TACC1: variants seen among roughly 807,000 people sequenced by gnomAD.
TACC1 encodes transforming acidic coiled-coil containing protein 1.
In TACC1, 48 loss-of-function variants were observed where a neutral mutation model predicts 84.4. That is an observed-to-expected ratio of 0.57 (90% confidence interval 0.45 to 0.72). The LOEUF (loss-of-function observed/expected upper bound fraction) is 0.72. Among genes scored for constraint, TACC1 ranks in the 30% least tolerant of loss-of-function variants. TACC1 has a pLI of 0.00. For synonymous variants in TACC1, 372 were observed against 376.3 expected, an observed-to-expected ratio of 0.99 and a Z score of 0.13; for missense variants, 920 against 973.0, an observed-to-expected ratio of 0.95 and a Z score of 0.72.
chr8:38,747,487 G>A (rs1037232899), intron 3 of TACC1, among the ~76,000 whole-genome samples: 1 of 152,156 alleles, frequency 6.6e-6, no homozygotes, highest in Non-Finnish European at 1.5e-5. Flanking sequence ...GATAAACCGT[G>A]ATATATCCAG....
At chr8:38,732,517 GATTACATGT>G (rs1272575529) in intron 1 of TACC1, among the ~76,000 whole-genome samples, 1 of 152,124 alleles carries the variant, frequency 6.6e-6, no homozygotes, top group Admixed American at 6.5e-5. Context: ...CCTGAGTCTG[GATTACATGT>G]ATAATGATCT....
intron 1 of TACC1, among the ~76,000 whole-genome samples, chr8:38,737,410 C>T (rs1208003148): frequency 2.6e-5 from 4 of 152,214 alleles, no homozygotes; most frequent in East Asian, 3.8e-4. Flanking sequence ...TGCCAGTTCT[C>T]GATGAGATCA....
chr8:38,774,903 C>T (rs966511711), intron 3 of TACC1, among the ~76,000 whole-genome samples: 9 of 149,990 alleles, frequency 6.0e-5, no homozygotes, highest in East Asian at 2.0e-4. Flanking sequence ...CCCAGCTACT[C>T]GGGAGGCTGA....
intron 3 of TACC1, among the ~76,000 whole-genome samples, chr8:38,750,140 A>G (rs1450107972): frequency 6.6e-6 from 1 of 152,176 alleles, no homozygotes; most frequent in Non-Finnish European, 1.5e-5. Context: ...ACCTGTGAAT[A>G]GCCACTGCAT....
At chr8:38,827,087 CT>C in intron 4 of TACC1, 80 bp from the exon 5 acceptor site, 1 of 1,256,902 alleles carries the variant, frequency 8.0e-7, no homozygotes, top group Non-Finnish European at 1.1e-6. Context: ...GTTGTGTCTA[CT>C]TTGTTCCATT....
At chr8:38,757,692 C>T (rs1293528090) in intron 3 of TACC1, among the ~76,000 whole-genome samples, 1 of 151,936 alleles carries the variant, frequency 6.6e-6, no homozygotes, top group Non-Finnish European at 1.5e-5. Context: ...AAGGGGACCC[C>T]GGCCTCGTCC....
chr8:38,846,666 TG>T, intron 11 of TACC1, 32 bp from the exon 12 acceptor site: 1 of 1,612,938 alleles, frequency 6.2e-7, no homozygotes, highest in Non-Finnish European at 8.5e-7. Flanking sequence ...ATGTGCTTTT[TG>T]TCTCTTTATT....
chr8:38,821,785 G>A (rs1665498280), intron 3 of TACC1, among the ~76,000 whole-genome samples: 1 of 152,224 alleles, frequency 6.6e-6, no homozygotes, highest in Middle Eastern at 3.4e-3. Flanking sequence ...TAAGCCACAG[G>A]GAAATGCATC....
chr8:38,815,617 C>T (rs1825257040), intron 2 of TACC1, among the ~76,000 whole-genome samples: 1 of 152,084 alleles, frequency 6.6e-6, no homozygotes, highest in South Asian at 2.1e-4. Context: ...TGGGGTTTCA[C>T]CATGTTGGCC....
At chr8:38,775,803 A>G (rs1255491076) in intron 3 of TACC1, among the ~76,000 whole-genome samples, 2 of 152,244 alleles carry the variant, frequency 1.3e-5, no homozygotes, top group Non-Finnish European at 2.9e-5. Flanking sequence ...GCCAAAGGAA[A>G]CAGAAAACAC....
At chr8:38,773,622 C>CTATCTAGCTAGCTATG (rs1365056846) in intron 3 of TACC1, among the ~76,000 whole-genome samples, 3 of 131,198 alleles carry the variant, frequency 2.3e-5, no homozygotes, top group Non-Finnish European at 5.1e-5. Context: ...ATCTAGCTAT[C>CTATCTAGCTAGCTATG]TATCTGTTGT....
chr8:38,753,929 C>CTTTCTTTCT (rs370460992), intron 3 of TACC1, among the ~76,000 whole-genome samples: 15 of 120,760 alleles, frequency 1.2e-4, no homozygotes, highest in South Asian at 2.7e-4. Flanking sequence ...TTCTTTCTTT[C>CTTTCTTTCT]TTCTTTCTCT....
intron 2 of TACC1, among the ~76,000 whole-genome samples, chr8:38,804,214 AGTT>A: frequency 6.6e-6 from 1 of 152,208 alleles, no homozygotes; most frequent in South Asian, 2.1e-4. Flanking sequence ...ATAGGAAAAC[AGTT>A]GTTCTAGAAC....
At chr8:38,831,388 AAAAG>A (rs1829206023) in intron 6 of TACC1, among the ~76,000 whole-genome samples, 1 of 152,234 alleles carries the variant, frequency 6.6e-6, no homozygotes, top group African/African-American at 2.4e-5. Context: ...GCTACTCAGA[AAAAG>A]AAGAAGCATA....
intron 9 of TACC1, among the ~76,000 whole-genome samples, chr8:38,841,066 T>TA (rs1034599801): frequency 5.3e-5 from 8 of 152,076 alleles, no homozygotes; most frequent in Non-Finnish European, 4.4e-5. Context: ...AATAAGTAAA[T>TA]AAACACTGCT....
intron 1 of TACC1, among the ~76,000 whole-genome samples, chr8:38,729,195 T>C (rs1242248990): frequency 6.6e-6 from 1 of 152,142 alleles, no homozygotes; most frequent in African/African-American, 2.4e-5. Flanking sequence ...GCCCAGATGC[T>C]CTCTCCGTCC....
upstream of TACC1, among the ~76,000 whole-genome samples, chr8:38,786,921 T>A (rs1424533995): frequency 6.6e-6 from 1 of 151,588 alleles, no homozygotes; most frequent in Non-Finnish European, 1.5e-5. Flanking sequence ...TTTAAAAAAA[T>A]TTTAAAAAGG....
chr8:38,845,199 C>T (rs957159065), intron 11 of TACC1, among the ~76,000 whole-genome samples: 11 of 152,226 alleles, frequency 7.2e-5, no homozygotes, highest in African/African-American at 2.4e-4. Flanking sequence ...TGCAGGATTA[C>T]AGGCATGAAC....
chr8:38,852,222 G>T lies in TACC1; in HGVS notation c.*4199G>T. The T allele has an allele frequency of 3.6e-6, 1 of 279,202 alleles. No individual in the cohort carries two copies. The highest frequency in any genetic ancestry group is 7.3e-6 in the Non-Finnish European group (1 of 137,322). 17.3% of individuals were successfully genotyped at this position (279,202 alleles called of 1,614,324 possible). On this transcript the variant is annotated 3_prime_UTR_variant, in exon 13 of 13. Transcript: ENST00000317827. ...AGATTTGGACAAACAAGATTCCTAA[G>T]GAATGACTTTATTAACTATAATATG...
Sources: allele counts gnomAD v4.1 joint callset (sites outside exome capture counted in the v4.1 genomes callset), GRCh38; gene constraint gnomAD v4.1.1; transcripts MANE v1.5; gene names NCBI Gene and HGNC (gene_info 2026-07-23, HGNC 2026-07-21).